Variants in TACR3 observed in about 807,000 individuals in gnomAD.
TACR3 encodes tachykinin receptor 3.
In TACR3, 34 loss-of-function variants were observed where a neutral mutation model predicts 35.0. The ratio of observed to expected loss-of-function variants is 0.97; its 90% confidence interval spans 0.74 to 1.30. The LOEUF (loss-of-function observed/expected upper bound fraction) is 1.30, where lower values mean the gene tolerates loss of function less well. Ranked by LOEUF, TACR3 falls within the 50% of genes most tolerant of loss-of-function variation. TACR3 has a pLI of 0.00. For missense variants in TACR3, 558 were observed against 591.7 expected, an observed-to-expected ratio of 0.94 and a Z score of 0.59; for synonymous variants, 233 against 221.1, an observed-to-expected ratio of 1.05 and a Z score of -0.48.
chr4:103,606,306 G>C (rs201390692), intron 3 of TACR3, among the ~76,000 whole-genome samples: 3 of 150,306 alleles, frequency 2.0e-5, no homozygotes, highest in African/African-American at 4.9e-5. Flanking sequence ...TTGGCGATGC[G>C]GGCTCTTTTT....
chr4:103,660,791 T>C (rs908319774), intron 1 of TACR3, among the ~76,000 whole-genome samples: 1 of 152,080 alleles, frequency 6.6e-6, no homozygotes, highest in African/African-American at 2.4e-5. Context: ...ATAATGCGTA[T>C]GTTTCAAATA....
At chr4:103,612,434 T>G (rs1724533185) in intron 3 of TACR3, among the ~76,000 whole-genome samples, 1 of 152,198 alleles carries the variant, frequency 6.6e-6, no homozygotes, top group African/African-American at 2.4e-5. Flanking sequence ...GCTTTTCCAG[T>G]GTAATTTGTT....
At chr4:103,687,979 G>A (rs1259249719) in intron 1 of TACR3, among the ~76,000 whole-genome samples, 19 of 152,158 alleles carry the variant, frequency 1.2e-4, no homozygotes, top group Admixed American at 2.0e-4. Flanking sequence ...GAGGCATCAC[G>A]CTACCTGACT....
intron 3 of TACR3, among the ~76,000 whole-genome samples, chr4:103,632,747 T>C (rs1299692714): frequency 1.3e-5 from 2 of 151,654 alleles, no homozygotes; most frequent in Admixed American, 6.6e-5. Context: ...AATAAATCAA[T>C]ACATTGAAGA....
At chr4:103,711,266 CA>C (rs1056743445) in intron 1 of TACR3, among the ~76,000 whole-genome samples, 11 of 152,220 alleles carry the variant, frequency 7.2e-5, no homozygotes, top group Admixed American at 2.0e-4. Context: ...AAACAGAACC[CA>C]GCAGCACATC....
chr4:103,707,587 T>C (rs1722823186), intron 1 of TACR3, among the ~76,000 whole-genome samples: 1 of 152,012 alleles, frequency 6.6e-6, no homozygotes, highest in South Asian at 2.1e-4. Context: ...ACGCAGAAGA[T>C]GGGTGATTTC....
Position 103,596,870 on chromosome 4 carries a change from C to T in TACR3, c.889-5187G>A, listed in dbSNP as rs13139861. 2.9e-3 allele frequency among the ~76,000 whole-genome samples: 438 copies of T among 151,432 alleles called. 1 individual carries two copies. Among genetic ancestry groups the T allele is most frequent in the Non-Finnish European group, 4.5e-3 (308 of 67,898 alleles). ...CATGCAGTTTGGTTTTTTGTCCTTG[C>T]GATAGTTTGCTGAGAATGATGGTTT... On this transcript the variant is annotated intron_variant, in intron 3 of 4. Transcript: ENST00000304883.
chr4:103,639,040 C>A (rs1279243382), intron 3 of TACR3, among the ~76,000 whole-genome samples: 1 of 152,106 alleles, frequency 6.6e-6, no homozygotes, highest in African/African-American at 2.4e-5. Flanking sequence ...GGTGATTCCT[C>A]AGGGATCTAG....
chr4:103,630,347 T>C (rs557028602), intron 3 of TACR3, among the ~76,000 whole-genome samples: 1 of 152,298 alleles, frequency 6.6e-6, no homozygotes, highest in South Asian at 2.1e-4. Flanking sequence ...TGGGATCTAA[T>C]TAAACTAAAG....
chr4:103,719,425 C>T lies in TACR3; in HGVS notation c.251G>A (p.Arg84His). Reference sequence around the variant, plus strand: ...ATACGCCAGGGACCAGAGCGCGATGCGCCAGGACGGCTGCACGAACTGGTT... The same window carrying T: ...ATACGCCAGGGACCAGAGCGCGATGTGCCAGGACGGCTGCACGAACTGGTT... The part of the protein sequence containing the change: ...LTNQFVQPSW[R>H]IALWSLAYGV... Residue 84 changes from arginine to histidine, a missense_variant, in exon 1 of 5, where the codon CGC becomes CAC. Coordinates refer to ENST00000304883, the MANE Select transcript of TACR3 (RefSeq NM_001059.3). 6.2e-7 allele frequency: 1 copy of T among 1,614,246 alleles called. No homozygotes were observed. Among genetic ancestry groups the T allele is most frequent in the Non-Finnish European group, 8.5e-7 (1 of 1,180,042 alleles).
At chr4:103,679,111 C>A (rs1357229879) in intron 1 of TACR3, among the ~76,000 whole-genome samples, 2 of 151,946 alleles carry the variant, frequency 1.3e-5, no homozygotes, top group Non-Finnish European at 2.9e-5. Context: ...TCATAAAGTG[C>A]TAACTGACAT....
chr4:103,596,771 A>T (rs1724035313), intron 3 of TACR3, among the ~76,000 whole-genome samples: 1 of 151,396 alleles, frequency 6.6e-6, no homozygotes, highest in East Asian at 2.0e-4. Flanking sequence ...ACCCCACAAG[A>T]GTCCCCAGTG....
chr4:103,637,407 C>T (rs184343082), intron 3 of TACR3, among the ~76,000 whole-genome samples: 3 of 152,090 alleles, frequency 2.0e-5, no homozygotes. Flanking sequence ...GCTAAAAACT[C>T]TCAATAAATT....
intron 1 of TACR3, among the ~76,000 whole-genome samples, chr4:103,662,783 T>C (rs1199730175): frequency 6.6e-6 from 1 of 152,094 alleles, no homozygotes; most frequent in Non-Finnish European, 1.5e-5. Context: ...CAGCAAAGAT[T>C]GCCAGCAAAT....
intron 3 of TACR3, among the ~76,000 whole-genome samples, chr4:103,640,650 C>T (rs900038927): frequency 6.6e-6 from 1 of 151,884 alleles, no homozygotes; most frequent in Non-Finnish European, 1.5e-5. Flanking sequence ...CTTGTCCAAC[C>T]CGTGGCCCAC....
intron 1 of TACR3, among the ~76,000 whole-genome samples, chr4:103,692,107 A>T (rs534458708): frequency 2.0e-5 from 3 of 152,060 alleles, no homozygotes. Flanking sequence ...ATCAAAATAA[A>T]TTTTACTGTG....
chr4:103,651,910 G>A (rs1185389235), intron 3 of TACR3, among the ~76,000 whole-genome samples: 1 of 152,028 alleles, frequency 6.6e-6, no homozygotes, highest in Non-Finnish European at 1.5e-5. Context: ...TGGAAAGGGA[G>A]CCTCATAACT....
intron 1 of TACR3, among the ~76,000 whole-genome samples, chr4:103,716,265 T>C (rs1414225555): frequency 6.7e-6 from 1 of 148,788 alleles, no homozygotes; most frequent in African/African-American, 2.5e-5. Context: ...GTTGGAGGTA[T>C]AGGGGTGAGG....
chr4:103,590,139 A>C, intron 4 of TACR3, 145 bp from the exon 5 acceptor site: 1 of 925,752 alleles, frequency 1.1e-6, no homozygotes, highest in Non-Finnish European at 1.7e-6. Flanking sequence ...AATTTATGTC[A>C]CAGTACTGTT....
Sources: gnomAD v4.1 joint callset for allele counts (sites outside exome capture counted in the v4.1 genomes callset) on GRCh38, gnomAD v4.1.1 for gene constraint, MANE v1.5 for transcripts, NCBI Gene and HGNC (gene_info 2026-07-23, HGNC 2026-07-21) for gene names.